CD36: variants seen among roughly 807,000 people sequenced by gnomAD.
CD36 encodes CD36 molecule (CD36 blood group).
A neutral mutation model predicts 55.2 loss-of-function variants in CD36; 119 were observed. The observed-to-expected ratio is 2.15, with a 90% CI of 1.86 to 2.51. The LOEUF (loss-of-function observed/expected upper bound fraction) is 2.51, where lower values mean the gene tolerates loss of function less well. Among genes scored for constraint, CD36 ranks in the 30% most tolerant of loss-of-function variants. The pLI, the probability that CD36 is intolerant of heterozygous loss-of-function variation, is 0.00. For missense variants in CD36, 819 were observed against 555.5 expected, an observed-to-expected ratio of 1.47 and a Z score of -4.77; for synonymous variants, 186 against 193.6, an observed-to-expected ratio of 0.96 and a Z score of 0.33.
chr7:80,606,288 TA>T lies in CD36; in HGVS notation c.-184+3910del, dbSNP rs373725935. Among the ~76,000 whole-genome samples the T allele has an allele frequency of 5.1e-4, 77 of 152,060 alleles. 3 individuals carry two copies. The South Asian group carries it at 0.015, about 29-fold the overall frequency. On this transcript the variant is annotated intron_variant, in intron 1 of 13. Transcript: ENST00000309881. ...TAGATCTGTGCAACTTTTTTTTTTGTATTAAATTCTCAGGTAGGTAGTTTAA... is the reference window on the plus strand; with the variant it reads ...TAGATCTGTGCAACTTTTTTTTTTGTTTAAATTCTCAGGTAGGTAGTTTAA...
chr7:80,614,003 A>G (rs1425243198), intron 1 of CD36, among the ~76,000 whole-genome samples: 2 of 152,158 alleles, frequency 1.3e-5, no homozygotes, highest in Non-Finnish European at 2.9e-5. Context: ...CTGAAAGTCA[A>G]AGGGATATTT....
upstream of CD36, among the ~76,000 whole-genome samples, chr7:80,638,025 T>G (rs1290552997): frequency 6.6e-6 from 1 of 152,000 alleles, no homozygotes; most frequent in Non-Finnish European, 1.5e-5. Context: ...AGCACTGTGC[T>G]GTGATCATGA....
chr7:80,657,925 A>G (rs575100608), intron 4 of CD36, among the ~76,000 whole-genome samples: 1 of 152,310 alleles, frequency 6.6e-6, no homozygotes, highest in East Asian at 1.9e-4. Flanking sequence ...GGATGATTGT[A>G]TAATTTTCCT....
chr7:80,656,579 T>C lies in CD36; in HGVS notation c.160T>C (p.Trp54Arg). The change falls in exon 4 of 15, where the codon TGG becomes CGG. Residue 54 changes from tryptophan to arginine, a missense_variant. By Grantham distance (101) the Trp-to-Arg change is moderately radical (BLOSUM62 -3). Coordinates refer to ENST00000447544, the MANE Select transcript of CD36 (RefSeq NM_001001548.3). ...LEEGTIAFKN[W>R]VKTGTEVYRQ... Reference sequence around the variant, plus strand: ...AGAAGGTACAATTGCTTTTAAAAATTGGGTTAAAACAGGCACAGAAGTTTA... The same window carrying C: ...AGAAGGTACAATTGCTTTTAAAAATCGGGTTAAAACAGGCACAGAAGTTTA... The C allele has an allele frequency of 1.2e-6, 2 of 1,613,672 alleles. No homozygotes were observed. The highest frequency in any genetic ancestry group is 1.7e-6 in the Non-Finnish European group (2 of 1,179,788).
rs918509219 is a variant in CD36 at position 80,672,844 on chromosome 7, G to A, written c.1199+1G>A. 6 of 1,604,004 alleles carry A rather than the reference G, an allele frequency of 3.7e-6. No homozygotes were observed. The highest frequency in any genetic ancestry group is 1.1e-5 in the South Asian group (1 of 90,702). On this transcript the variant is annotated splice_donor_variant, in intron 12 of 14. Coordinates refer to ENST00000447544, the MANE Select transcript of CD36 (RefSeq NM_001001548.3). LOFTEE classifies it high-confidence loss of function. ...TGGTCAAGCCATCAGAAAAAATTCA[G>A]TGAGTCTCTTGAAAATGGTTATTTT...
intron 3 of CD36, among the ~76,000 whole-genome samples, chr7:80,655,371 C>T (rs971046579): frequency 1.3e-5 from 2 of 152,164 alleles, no homozygotes; most frequent in Non-Finnish European, 2.9e-5. Context: ...CCTTATTTTA[C>T]AGCTAATGAA....
chr7:80,610,086 T>C (rs1792791810), intron 1 of CD36, among the ~76,000 whole-genome samples: 1 of 152,186 alleles, frequency 6.6e-6, no homozygotes, highest in Non-Finnish European at 1.5e-5. Context: ...AGAAGTATTA[T>C]CCAAAAGCAC....
chr7:80,642,117 C>T (rs187827686), intron 1 of CD36, among the ~76,000 whole-genome samples: 35 of 152,190 alleles, frequency 2.3e-4, no homozygotes, highest in African/African-American at 7.0e-4. Context: ...TATTAAAACA[C>T]GTCTTCTTAT....
At chr7:80,662,764 G>A (rs536637750) in intron 5 of CD36, among the ~76,000 whole-genome samples, 2 of 152,216 alleles carry the variant, frequency 1.3e-5, no homozygotes, top group East Asian at 1.9e-4. Flanking sequence ...TAAATAAATA[G>A]AGCTTAACTT....
At chr7:80,644,147 A>C (rs756937768) in intron 1 of CD36, among the ~76,000 whole-genome samples, 22 of 152,202 alleles carry the variant, frequency 1.4e-4, no homozygotes, top group Non-Finnish European at 2.6e-4. Flanking sequence ...TACCAGCATT[A>C]AATTACTCAT....
In CD36 at chr7:80,661,109, A is replaced by C; in HGVS notation, c.328A>C (p.Asn110His). The C allele has an allele frequency of 6.2e-7, 1 of 1,614,030 alleles. No individual in the cohort carries two copies. Among genetic ancestry groups the C allele is most frequent in the South Asian group, 1.1e-5 (1 of 91,084 alleles). Residue 110 changes from asparagine (N) to histidine (H), a missense_variant, in exon 5 of 15, where the codon AAC (asparagine) becomes CAC (histidine). Coordinates refer to ENST00000447544, the MANE Select transcript of CD36 (RefSeq NM_001001548.3). ...KENVTQDAED[N>H]TVSFLQPNGA... is the part of the protein sequence containing the mutation. ...AAATGTAACCCAGGACGCTGAGGAC[A>C]ACACAGTCTCTTTCCTGCAGCCCAA...
intron 3 of CD36, 61 bp from the exon 4 acceptor site, chr7:80,656,479 C>T: frequency 1.3e-6 from 2 of 1,503,546 alleles, no homozygotes; most frequent in Non-Finnish European, 1.8e-6. Context: ...TGCAAACAAT[C>T]TTCCAGAAGT....
rs757739441 is a variant in CD36 at position 80,656,553 on chromosome 7, A to T, written c.134A>T (p.Glu45Val). The stretch of plus-strand genomic sequence containing the variant: ...TCTTTTTCATAGCAAGTTGTCCTCG[A>T]AGAAGGTACAATTGCTTTTAAAAAT... The part of the protein sequence containing the change: ...QKTIKKQVVL[E>V]EGTIAFKNWV... Residue 45 changes from glutamate (E) to valine (V), a missense_variant, in exon 4 of 15, where the codon GAA becomes GTA. Physicochemically the swap from Glu to Val is moderately radical, Grantham distance 121. Coordinates refer to ENST00000447544, the MANE Select transcript of CD36 (RefSeq NM_001001548.3). 3.1e-6 allele frequency: 5 copies of T among 1,613,604 alleles called. No homozygotes were observed. In the Admixed American group the frequency reaches 8.3e-5, roughly 27 times the overall value.
intron 14 of CD36, 95 bp downstream of exon 14, chr7:80,674,242 A>G (rs1584477420): frequency 1.2e-6 from 1 of 861,404 alleles, no homozygotes; most frequent in South Asian, 1.5e-5. Flanking sequence ...TAGGCCATAT[A>G]TATTTCTAGA....
intron 3 of CD36, among the ~76,000 whole-genome samples, chr7:80,650,104 C>T (rs999818926): frequency 1.3e-5 from 2 of 152,020 alleles, no homozygotes; most frequent in African/African-American, 4.8e-5. Flanking sequence ...AGAGAAGATT[C>T]AGACTTCCTA....
chr7:80,629,012 G>T (rs559211260), intron 1 of CD36, among the ~76,000 whole-genome samples: 2 of 152,190 alleles, frequency 1.3e-5, no homozygotes, highest in East Asian at 3.9e-4. Context: ...AGGCAGGTTT[G>T]CCCTAAGCAG....
chr7:80,656,974 C>T (rs759640049), intron 4 of CD36, among the ~76,000 whole-genome samples: 1 of 151,968 alleles, frequency 6.6e-6, no homozygotes, highest in Non-Finnish European at 1.5e-5. Context: ...TATAAACTTA[C>T]CAGTATCAAA....
chr7:80,623,520 A>C (rs1793587216), intron 1 of CD36, among the ~76,000 whole-genome samples: 1 of 152,032 alleles, frequency 6.6e-6, no homozygotes, highest in African/African-American at 2.4e-5. Flanking sequence ...TTTAGGGTGT[A>C]TTTATTTTTG....
intron 1 of CD36, among the ~76,000 whole-genome samples, chr7:80,604,469 T>C (rs1251011291): frequency 6.7e-6 from 1 of 150,138 alleles, no homozygotes; most frequent in Non-Finnish European, 1.5e-5. Flanking sequence ...TTCTGATTTG[T>C]ATCTTCTGAC....
Sources: allele counts gnomAD v4.1 joint callset (sites outside exome capture counted in the v4.1 genomes callset), GRCh38; gene constraint gnomAD v4.1.1; transcripts MANE v1.5; gene names NCBI Gene and HGNC (gene_info 2026-07-23, HGNC 2026-07-21).